Variants in FABP7 observed in about 807,000 individuals in gnomAD.
FABP7 encodes fatty acid-binding protein, brain.
Under a neutral mutation model 14.2 loss-of-function variants are expected in FABP7, and 13 were observed. That is an observed-to-expected ratio of 0.91 (90% CI 0.59 to 1.45). FABP7 has a LOEUF of 1.45. Among genes scored for constraint, FABP7 ranks in the 40% most tolerant of loss-of-function variants. The pLI, the probability that FABP7 is intolerant of heterozygous loss-of-function variation, is 0.00. For synonymous variants in FABP7, 49 were observed against 51.4 expected (o/e 0.95, Z 0.20); for missense variants, 149 against 157.6 (o/e 0.95, Z 0.29).
At chr6:122,752,693 T>C in the FABP7 span, among the ~76,000 whole-genome samples, 4 of 152,210 alleles carry the variant, frequency 2.6e-5, no homozygotes, top group East Asian at 3.9e-4. Context: ...TTAATAATTA[T>C]GCCAGGACAC....
At chr6:122,767,379 TAGA>T in the FABP7 span, among the ~76,000 whole-genome samples, 4 of 152,228 alleles carry the variant, frequency 2.6e-5, no homozygotes, top group South Asian at 8.3e-4. Context: ...TTAGCAATGT[TAGA>T]AGGTTACAAA....
the FABP7 span, among the ~76,000 whole-genome samples, chr6:122,766,158 A>G: frequency 6.6e-6 from 1 of 152,142 alleles, no homozygotes; most frequent in Non-Finnish European, 1.5e-5. Flanking sequence ...AACTGCTGTG[A>G]AATGAGTTGG....
intron 3 of FABP7, chr6:122,782,134 T>C: frequency 2.0e-6 from 2 of 984,072 alleles, no homozygotes; most frequent in Non-Finnish European, 2.4e-6. Flanking sequence ...ATATATTCAA[T>C]ACTAGGTAGA....
chr6:122,760,109 A>G, the FABP7 span, among the ~76,000 whole-genome samples: 149 of 152,172 alleles, frequency 9.8e-4, 3 homozygotes, highest in Admixed American at 8.4e-3. Context: ...TCAAAAAAAA[A>G]AAAGATATAA....
the FABP7 span, among the ~76,000 whole-genome samples, chr6:122,761,545 AT>A: frequency 6.6e-6 from 1 of 152,160 alleles, no homozygotes; most frequent in Non-Finnish European, 1.5e-5. Context: ...GTCAAAGATT[AT>A]TATATTAATT....
At chr6:122,779,076 G>T (rs1488491443), upstream of FABP7, among the ~76,000 whole-genome samples, 4 of 152,064 alleles carry the variant, frequency 2.6e-5, no homozygotes, top group Non-Finnish European at 5.9e-5. Context: ...TTTGTGTTGG[G>T]AAAGGACCCA....
chr6:122,761,390 G>T, the FABP7 span, among the ~76,000 whole-genome samples: 1 of 152,118 alleles, frequency 6.6e-6, no homozygotes, highest in Admixed American at 6.5e-5. Context: ...AAGAAGTTAG[G>T]TTATCTAAAG....
chr6:122,779,558 A>G (rs1251684423), upstream of FABP7: 1 of 554,498 alleles, frequency 1.8e-6, no homozygotes, highest in Non-Finnish European at 3.2e-6. Context: ...CCAATCACAA[A>G]GAGGATTGGA....
the FABP7 span, among the ~76,000 whole-genome samples, chr6:122,759,573 A>G: frequency 5.9e-5 from 9 of 152,324 alleles, no homozygotes; most frequent in African/African-American, 2.2e-4. Flanking sequence ...TAAGCACTTT[A>G]TTTGTAGTAA....
At chr6:122,774,948 C>A (rs1780645990), upstream of FABP7, among the ~76,000 whole-genome samples, 1 of 151,056 alleles carries the variant, frequency 6.6e-6, no homozygotes. Context: ...TACACTTAAC[C>A]AAAAAAGTGA....
At chr6:122,768,700 T>C in the FABP7 span, among the ~76,000 whole-genome samples, 1 of 152,174 alleles carries the variant, frequency 6.6e-6, no homozygotes, top group Admixed American at 6.6e-5. Context: ...GATAAGATTA[T>C]GACACTAACC....
At chr6:122,758,143 T>C in the FABP7 span, among the ~76,000 whole-genome samples, 1 of 150,796 alleles carries the variant, frequency 6.6e-6, no homozygotes, top group African/African-American at 2.4e-5. Context: ...GAGTCTTGCT[T>C]TGTTCCCAGG....
chr6:122,773,223 C>T, the FABP7 span, among the ~76,000 whole-genome samples: 1 of 152,146 alleles, frequency 6.6e-6, no homozygotes, highest in African/African-American at 2.4e-5. Flanking sequence ...CCCTTGCTGA[C>T]ATTAAGGCGC....
the FABP7 span, among the ~76,000 whole-genome samples, chr6:122,769,152 C>T: frequency 6.6e-6 from 1 of 152,036 alleles, no homozygotes; most frequent in African/African-American, 2.4e-5. Flanking sequence ...GTAGCAGCAG[C>T]AGGAATCTGG....
At chr6:122,760,536 T>A in the FABP7 span, among the ~76,000 whole-genome samples, 1 of 137,906 alleles carries the variant, frequency 7.3e-6, no homozygotes, top group African/African-American at 2.5e-5. Flanking sequence ...ATCTGCTCTT[T>A]GTTTTTTTTT....
At chr6:122,769,023 G>C in the FABP7 span, among the ~76,000 whole-genome samples, 1 of 152,072 alleles carries the variant, frequency 6.6e-6, no homozygotes, top group Non-Finnish European at 1.5e-5. Flanking sequence ...CCTCCTGTCT[G>C]GTGGTTTCTC....
At chr6:122,775,262 A>G (rs1180266789), upstream of FABP7, among the ~76,000 whole-genome samples, 1 of 152,166 alleles carries the variant, frequency 6.6e-6, no homozygotes, top group African/African-American at 2.4e-5. Flanking sequence ...ACTTCAAAAG[A>G]TACTAAAAAG....
chr6:122,754,359 G>T, the FABP7 span, among the ~76,000 whole-genome samples: 3 of 152,080 alleles, frequency 2.0e-5, no homozygotes, highest in African/African-American at 7.2e-5. Context: ...TCCTGCTTCA[G>T]TGTCCACGTG....
At chr6:122,757,373 G>A in the FABP7 span, among the ~76,000 whole-genome samples, 5 of 152,084 alleles carry the variant, frequency 3.3e-5, no homozygotes, top group African/African-American at 1.2e-4. Context: ...GGGCTGAGTA[G>A]GAATCACCGA....
Sources: gnomAD v4.1 joint callset for allele counts (sites outside exome capture counted in the v4.1 genomes callset) on GRCh38, gnomAD v4.1.1 for gene constraint, MANE v1.5 for transcripts, NCBI Gene and HGNC (gene_info 2026-07-23, HGNC 2026-07-21) for gene names.